ZNF385D: variants seen among roughly 807,000 people sequenced by gnomAD.
ZNF385D encodes the protein zinc finger protein 385D, also known as zinc finger protein 659.
ZNF385D carries 15 observed loss-of-function variants against 35.8 expected under a neutral mutation model. The ratio of observed to expected loss-of-function variants is 0.42; its 90% CI spans 0.28 to 0.64. The LOEUF (loss-of-function observed/expected upper bound fraction) is 0.64, where lower values mean the gene tolerates loss of function less well. Ranked by LOEUF, ZNF385D falls within the 30% of genes least tolerant of loss-of-function variation. ZNF385D has a pLI of 0.23. For missense variants in ZNF385D, 474 were observed against 494.6 expected, an observed-to-expected ratio of 0.96 and a Z score of 0.39; for synonymous variants, 212 against 186.8, an observed-to-expected ratio of 1.13 and a Z score of -1.10.
intron 3 of ZNF385D, among the ~76,000 whole-genome samples, chr3:21,762,459 G>A (rs768423648): frequency 1.3e-5 from 2 of 152,102 alleles, no homozygotes; most frequent in African/African-American, 4.8e-5. Context: ...AGCTTTCCTT[G>A]AGTGCCATAC....
At chr3:21,733,189 TG>T (rs1233448821) in intron 1 of ZNF385D, among the ~76,000 whole-genome samples, 1 of 152,184 alleles carries the variant, frequency 6.6e-6, no homozygotes, top group East Asian at 1.9e-4. Flanking sequence ...AAAGACCAGT[TG>T]CTTATCTTTA....
chr3:22,029,837 G>C (rs563477695), intron 3 of ZNF385D, among the ~76,000 whole-genome samples: 1 of 152,078 alleles, frequency 6.6e-6, no homozygotes, highest in Non-Finnish European at 1.5e-5. Context: ...CTCGGGAGAT[G>C]TGTATGGGTT....
intron 3 of ZNF385D, among the ~76,000 whole-genome samples, chr3:21,917,662 A>G (rs1341495716): frequency 6.6e-6 from 1 of 152,212 alleles, no homozygotes; most frequent in Non-Finnish European, 1.5e-5. Context: ...TCATATACAC[A>G]GGAACAGAAA....
chr3:21,750,704 GGCTAAA>G (rs2070031539), intron 1 of ZNF385D, among the ~76,000 whole-genome samples, 185 bp downstream of exon 1: 2 of 148,126 alleles, frequency 1.4e-5, no homozygotes, highest in Admixed American at 6.8e-5. Flanking sequence ...ACTCATCCAC[GGCTAAA>G]TTAACAGCCC....
At chr3:21,421,522 G>A (rs772171610) in intron 7 of ZNF385D, 75 bp from the exon 8 acceptor site, 2 of 1,065,684 alleles carry the variant, frequency 1.9e-6, no homozygotes, top group Non-Finnish European at 1.4e-6. Flanking sequence ...ATGGCAGGGA[G>A]CTTTTAAAAT....
chr3:21,658,175 A>G (rs748219824), intron 2 of ZNF385D, among the ~76,000 whole-genome samples: 3 of 152,074 alleles, frequency 2.0e-5, no homozygotes, highest in Non-Finnish European at 2.9e-5. Context: ...CCAACATTTT[A>G]TCACTATGAC....
chr3:21,981,018 T>A (rs1694411937), intron 3 of ZNF385D, among the ~76,000 whole-genome samples: 1 of 152,106 alleles, frequency 6.6e-6, no homozygotes, highest in Admixed American at 6.6e-5. Flanking sequence ...AATAGTGCTG[T>A]ACTGAACATT....
intron 1 of ZNF385D, among the ~76,000 whole-genome samples, chr3:21,719,399 A>G (rs2068447614): frequency 6.6e-6 from 1 of 152,246 alleles, no homozygotes; most frequent in South Asian, 2.1e-4. Context: ...GTGACTGTAG[A>G]GCCAACACAA....
At chr3:21,594,924 A>G (rs528403682) in intron 2 of ZNF385D, among the ~76,000 whole-genome samples, 14 of 152,332 alleles carry the variant, frequency 9.2e-5, no homozygotes, top group African/African-American at 2.6e-4. Context: ...TATATAGTCA[A>G]TCAAGTAAAG....
chr3:22,161,265 A>C (rs917087548), intron 3 of ZNF385D, among the ~76,000 whole-genome samples: 1 of 152,108 alleles, frequency 6.6e-6, no homozygotes, highest in East Asian at 1.9e-4. Flanking sequence ...AAACTGTACA[A>C]ACAATATTTC....
chr3:21,755,075 T>C (rs1292141915), upstream of ZNF385D, among the ~76,000 whole-genome samples: 2 of 152,210 alleles, frequency 1.3e-5, no homozygotes, highest in Admixed American at 1.3e-4. Flanking sequence ...TGTGAGTGTG[T>C]TTGTCCTTTC....
intron 3 of ZNF385D, among the ~76,000 whole-genome samples, chr3:21,767,904 C>T (rs1274093406): frequency 6.6e-6 from 1 of 152,012 alleles, no homozygotes; most frequent in Non-Finnish European, 1.5e-5. Context: ...ACATTCATAG[C>T]ATATCCAAAT....
intron 3 of ZNF385D, among the ~76,000 whole-genome samples, chr3:22,094,300 T>C (rs906751513): frequency 6.8e-6 from 1 of 147,002 alleles, no homozygotes; most frequent in African/African-American, 2.5e-5. Context: ...CACACTTGGC[T>C]AGGTATTTTA....
At chr3:22,103,618 C>A (rs1702053333) in intron 3 of ZNF385D, among the ~76,000 whole-genome samples, 1 of 152,052 alleles carries the variant, frequency 6.6e-6, no homozygotes. Context: ...GAGTGACCAA[C>A]AAAATGACAA....
chr3:21,999,399 A>G (rs1289880001), intron 3 of ZNF385D, among the ~76,000 whole-genome samples: 3 of 152,088 alleles, frequency 2.0e-5, no homozygotes, highest in Non-Finnish European at 1.5e-5. Flanking sequence ...TGGGATGACA[A>G]TATTTAATAT....
chr3:21,808,461 C>T (rs1490264586), intron 3 of ZNF385D, among the ~76,000 whole-genome samples: 1 of 152,142 alleles, frequency 6.6e-6, no homozygotes, highest in Non-Finnish European at 1.5e-5. Flanking sequence ...TTAAGTGAAT[C>T]CAAGCAGAGA....
intron 1 of ZNF385D, among the ~76,000 whole-genome samples, chr3:21,696,288 C>G (rs988502270): frequency 2.0e-5 from 3 of 152,168 alleles, no homozygotes; most frequent in Non-Finnish European, 4.4e-5. Flanking sequence ...GGTGGTCAAC[C>G]TTGGGGAATT....
intron 3 of ZNF385D, among the ~76,000 whole-genome samples, chr3:22,116,115 C>T (rs1386490518): frequency 4.0e-5 from 6 of 151,782 alleles, no homozygotes; most frequent in East Asian, 3.9e-4. Flanking sequence ...AACCATGCTA[C>T]GGTAGGATAA....
At chr3:21,582,905 T>G (rs1175693410) in intron 2 of ZNF385D, among the ~76,000 whole-genome samples, 2 of 151,948 alleles carry the variant, frequency 1.3e-5, no homozygotes, top group Non-Finnish European at 2.9e-5. Context: ...AGTCTCCTGA[T>G]TAGCTGGGGT....
Sources: gnomAD v4.1 joint callset for allele counts (sites outside exome capture counted in the v4.1 genomes callset) on GRCh38, gnomAD v4.1.1 for gene constraint, MANE v1.5 for transcripts, NCBI Gene and HGNC (gene_info 2026-07-23, HGNC 2026-07-21) for gene names.